Variants in S1PR5 observed in about 807,000 individuals in gnomAD.
S1PR5 encodes sphingosine 1-phosphate receptor 5.
For missense variants in S1PR5, 583 were observed against 571.7 expected, an observed-to-expected ratio of 1.02 and a Z score of -0.20; for synonymous variants, 307 against 284.7, an observed-to-expected ratio of 1.08 and a Z score of -0.79.
In S1PR5 at chr19:10,514,282, G is replaced by C; in HGVS notation, c.730C>G (p.Pro244Ala). 1.3e-6 allele frequency: 2 copies of C among 1,574,014 alleles called. No homozygotes were observed. The highest frequency in any genetic ancestry group is 1.7e-6 in the Non-Finnish European group (2 of 1,160,596). Residue 244 changes from proline to alanine, a missense_variant, in exon 2 of 2, where the codon CCG becomes GCG. Transcript: ENST00000333430. Reference protein sequence around the residue: ...GTTSTRARRKPRSLALLRTLS... With the variant: ...GTTSTRARRKARSLALLRTLS... The stretch of plus-strand genomic sequence containing the variant: ...GTGCGCAGCAAGGCCAGCGAGCGCG[G>C]CTTGCGACGCGCCCGGGTCGAGGTG...
rs1915337635 is a variant in S1PR5 at position 10,513,600 on chromosome 19, C to A, written c.*215G>T. On this transcript the variant is annotated 3_prime_UTR_variant, in exon 2 of 2. Coordinates refer to ENST00000333430, the MANE Select transcript of S1PR5 (RefSeq NM_030760.5). ...GTCACTGGAATCATCTCCATTATTT[C>A]ATCACCGAGTTCTTTTCTGTGTTCC... 6.3e-6 allele frequency: 4 copies of A among 639,272 alleles called. No homozygotes were observed. Among genetic ancestry groups the A allele is most frequent in the South Asian group, 2.0e-5 (1 of 50,022 alleles). The allele number at this position is 639,272 out of a possible 1,614,324, so 39.6% of individuals were successfully genotyped here. A position where few individuals can be genotyped will look rare whatever the true frequency, so the allele number is the denominator to read the frequency against.
intron 1 of S1PR5, among the ~76,000 whole-genome samples, chr19:10,515,310 GGCCTGTAATCCCC>G (rs957334092): frequency 4.0e-5 from 6 of 151,760 alleles, no homozygotes; most frequent in African/African-American, 9.7e-5. Context: ...CGGTGGCTCA[GGCCTGTAATCCCC>G]GCCTGTAATC....
rs1012723054 is a variant in S1PR5 at position 10,514,892 on chromosome 19, G to C, written c.120C>G (p.Ala40=). ...AGGCGCACACCGCCAGGCACACCACGGCGTCGGCGCGCAGGCCGGCACCCG... is the reference window on the plus strand; with the variant it reads ...AGGCGCACACCGCCAGGCACACCACCGCGTCGGCGCGCAGGCCGGCACCCG... ...YQPGAGLRAD[A]VVCLAVCAFI... is the part of the protein sequence containing the mutation. The change falls in exon 2 of 2, where the codon GCC becomes GCG. Residue 40 remains alanine, a synonymous_variant. Transcript: ENST00000333430. The C allele has an allele frequency of 1.9e-6, 3 of 1,611,650 alleles. No homozygotes were observed. The highest frequency in any genetic ancestry group is 1.7e-5 in the Admixed American group (1 of 59,936).
At chr19:10,515,050 G>A (rs1329796486) in intron 1 of S1PR5, 21 bp from the exon 2 acceptor site, 2 of 1,513,054 alleles carry the variant, frequency 1.3e-6, no homozygotes, top group Admixed American at 4.2e-5. Context: ...GGCAAGATAC[G>A]GTGTCAGGCC....
rs774173559 is a variant in S1PR5, at chr19:10,514,988, C to T, written c.24G>A (p.Pro8=). The change falls in exon 2 of 2, where the codon CCG becomes CCA. Residue 8 remains proline (P), a synonymous_variant. Transcript: ENST00000333430. ...GGACGATGACCTCGCTCACCGGCGC[C>T]GGCCGCAGCAGCCCCGACTCCATGG... is the stretch of plus-strand genomic sequence containing the variant. MESGLLR[P]APVSEVIVLH... 11 of 1,574,640 alleles carry T rather than the reference C, an allele frequency of 7.0e-6. 1 individual carries two copies. Among genetic ancestry groups the T allele is most frequent in the Non-Finnish European group, 6.9e-6 (8 of 1,164,614 alleles).
At chr19:10,516,021 G>A (rs894780160) in intron 1 of S1PR5, among the ~76,000 whole-genome samples, 5 of 152,026 alleles carry the variant, frequency 3.3e-5, no homozygotes, top group African/African-American at 1.2e-4. Context: ...CACACAGAAA[G>A]AGACACACAA....
chr19:10,517,297 G>A lies in S1PR5; in HGVS notation c.-19+101C>T, dbSNP rs953095749. 7 of 869,350 alleles carry A rather than the reference G, an allele frequency of 8.1e-6. No individual in the cohort carries two copies. The East Asian group carries it at 3.6e-4, about 45-fold the overall frequency. The allele number at this position is 869,350 out of a possible 1,614,324, so 53.9% of individuals were successfully genotyped here. A position where few individuals can be genotyped will look rare whatever the true frequency, so the allele number is the denominator to read the frequency against. On this transcript the variant is annotated intron_variant, in intron 1 of 1. Coordinates refer to ENST00000333430, the MANE Select transcript of S1PR5 (RefSeq NM_030760.5). ...AAAAGTTCGGAGAACTCCCTGCAAG[G>A]AGTGGTGCGCCTTTTTAGACCGGGA...
At chr19:10,515,120 A>G (rs10416073) in intron 1 of S1PR5, 91 bp from the exon 2 acceptor site, 26 of 1,482,632 alleles carry the variant, frequency 1.8e-5, no homozygotes, top group African/African-American at 7.0e-5. Context: ...GGCCCTACCC[A>G]CTGACCATCA....
Position 10,514,732 on chromosome 19 carries a change from G to A in S1PR5, c.280C>T (p.Leu94=). Reference sequence around the variant, plus strand: ...TTCAGCGTGAGCGGCCCCGACAGTAGGATGTTGGCGGCGTAGGCGGCGCCT... The same window carrying A: ...TTCAGCGTGAGCGGCCCCGACAGTAAGATGTTGGCGGCGTAGGCGGCGCCT... ...LAGAAYAANI[L]LSGPLTLKLS... is the part of the protein sequence containing the mutation. Residue 94 remains leucine (L), a synonymous_variant, in exon 2 of 2, where the codon CTA becomes TTA. Coordinates refer to ENST00000333430, the MANE Select transcript of S1PR5 (RefSeq NM_030760.5). 1 of 1,611,776 alleles carries A rather than the reference G, an allele frequency of 6.2e-7. No individual in the cohort carries two copies. Among genetic ancestry groups the A allele is most frequent in the Non-Finnish European group, 8.5e-7 (1 of 1,179,424 alleles).
In S1PR5 at chr19:10,513,993, C is replaced by G; in HGVS notation, c.1019G>C (p.Ser340Thr). Residue 340 changes from serine to threonine, a missense_variant, in exon 2 of 2, where the codon AGC becomes ACC. Ser to Thr is a moderately conservative substitution (Grantham distance 58, BLOSUM62 1). Transcript: ENST00000333430. ...RDPSGSQQSASAAEASGGLRR... is the reference protein window; with the variant it reads ...RDPSGSQQSATAAEASGGLRR... ...CAGGCCCCCGGAAGCCTCAGCCGCG[C>G]TCGCCGACTGCTGGGAGCCACTCGG... 6.2e-7 allele frequency: 1 copy of G among 1,602,172 alleles called. No individual in the cohort carries two copies. Among genetic ancestry groups the G allele is most frequent in the African/African-American group, 1.3e-5 (1 of 74,774 alleles).
intron 1 of S1PR5, 142 bp from the exon 2 acceptor site, chr19:10,515,171 G>A: frequency 9.2e-7 from 1 of 1,091,766 alleles, no homozygotes; most frequent in Non-Finnish European, 1.3e-6. Flanking sequence ...CAGGATGGAG[G>A]GATAGAGTCC....
Position 10,514,742 on chromosome 19 carries a change from G to T in S1PR5, c.270C>A (p.Ala90=). The change falls in exon 2 of 2, where the codon GCC becomes GCA. Residue 90 remains alanine, a synonymous_variant. Transcript: ENST00000333430. ...LSDLLAGAAY[A]ANILLSGPLT... ...GCGGCCCCGACAGTAGGATGTTGGC[G>T]GCGTAGGCGGCGCCTGCCAGCAGAT... 1 of 1,611,688 alleles carries T rather than the reference G, an allele frequency of 6.2e-7. No individual in the cohort carries two copies. Among genetic ancestry groups the T allele is most frequent in the Non-Finnish European group, 8.5e-7 (1 of 1,179,390 alleles).
At position 10,514,094 on chromosome 19, in the gene S1PR5, G is replaced by A. The variant is rs1286865248; in HGVS notation, c.918C>T (p.Tyr306=). 1.2e-6 allele frequency: 2 copies of A among 1,612,782 alleles called. No homozygotes were observed. Among genetic ancestry groups the A allele is most frequent in the East Asian group, 2.2e-5 (1 of 44,876 alleles). Residue 306 remains tyrosine, a synonymous_variant, in exon 2 of 2, where the codon TAC becomes TAT. Transcript: ENST00000333430. ...GGCGCAGGTCGCGGTTGGTGAGCGT[G>A]TAGATGATGGGGTTCAGAAGTGAGT... ...MANSLLNPII[Y]TLTNRDLRHA...
upstream of S1PR5, chr19:10,517,643 C>G (rs1599502640): frequency 1.0e-6 from 1 of 985,414 alleles, no homozygotes. Flanking sequence ...GAGCCCTCAG[C>G]TGCCCCCTCC....
upstream of S1PR5, chr19:10,517,631 G>A: frequency 1.0e-6 from 1 of 985,222 alleles, no homozygotes; most frequent in Non-Finnish European, 1.2e-6. Flanking sequence ...ACTGGCACAG[G>A]CGAGCCCTCA....
chr19:10,514,936 G>A lies in S1PR5; in HGVS notation c.76C>T (p.Arg26Cys), dbSNP rs755602746. The A allele has an allele frequency of 1.9e-6, 3 of 1,607,768 alleles. No individual in the cohort carries two copies. Among genetic ancestry groups the A allele is most frequent in the Non-Finnish European group, 1.7e-6 (2 of 1,178,574 alleles). Residue 26 changes from arginine (R) to cysteine (C), a missense_variant, in exon 2 of 2, where the codon CGC becomes TGC. By Grantham distance (180) the Arg-to-Cys change is radical. Transcript: ENST00000333430. The part of the protein sequence containing the change: ...VLHYNYTGKL[R>C]GARYQPGAGL... ...GCACCCGGCTGGTAGCGCGCACCGC[G>A]GAGCTTGCCGGTGTAGTTGTAATGC...
chr19:10,515,567 C>T (rs767241543), intron 1 of S1PR5, among the ~76,000 whole-genome samples: 11 of 152,128 alleles, frequency 7.2e-5, no homozygotes, highest in Admixed American at 1.3e-4. Flanking sequence ...GAGCCGAGAT[C>T]GCATCACTGC....
Position 10,514,307 on chromosome 19 carries a change from G to A in S1PR5, c.705C>T (p.Thr235=). ...RLPARPGTAG[T]TSTRARRKPR... is the part of the protein sequence containing the mutation. ...GCTTGCGACGCGCCCGGGTCGAGGT[G>A]GTCCCCGCAGTCCCGGGCCGTGCCG... Residue 235 remains threonine (T), a synonymous_variant, in exon 2 of 2, where the codon ACC becomes ACT. Coordinates refer to ENST00000333430, the MANE Select transcript of S1PR5 (RefSeq NM_030760.5). The A allele has an allele frequency of 6.4e-7, 1 of 1,566,964 alleles. No individual in the cohort carries two copies. The highest frequency in any genetic ancestry group is 8.6e-7 in the Non-Finnish European group (1 of 1,156,686).
chr19:10,517,538 C>T, upstream of S1PR5: 4 of 985,438 alleles, frequency 4.1e-6, no homozygotes, highest in African/African-American at 1.7e-5. Context: ...AGCAGTTGCC[C>T]CCTCCCCTTG....
Sources: gnomAD v4.1 joint callset for allele counts (sites outside exome capture counted in the v4.1 genomes callset) on GRCh38, gnomAD v4.1.1 for gene constraint, MANE v1.5 for transcripts, NCBI Gene and HGNC (gene_info 2026-07-23, HGNC 2026-07-21) for gene names.